Variants in CFAP44 observed in about 807,000 individuals in gnomAD.
CFAP44 encodes the protein cilia and flagella associated protein 44.
Under a neutral mutation model 216.2 loss-of-function variants are expected in CFAP44, and 134 were observed. The ratio of observed to expected loss-of-function variants is 0.62; its 90% CI spans 0.54 to 0.72. CFAP44 has a LOEUF of 0.72. Ranked by LOEUF, CFAP44 falls within the 30% of genes least tolerant of loss-of-function variation. The pLI, the probability that CFAP44 is intolerant of heterozygous loss-of-function variation, is 0.00. For missense variants in CFAP44, 2,035 were observed against 2,182.1 expected (o/e 0.93, Z 1.34); for synonymous variants, 700 against 727.6 (o/e 0.96, Z 0.61).
intron 17 of CFAP44, among the ~76,000 whole-genome samples, chr3:113,376,471 C>G (rs941175125): frequency 6.6e-6 from 1 of 152,186 alleles, no homozygotes; most frequent in African/African-American, 2.4e-5. Context: ...AGGCCGCACT[C>G]TGGAGTATTT....
At chr3:113,390,521 AG>A (rs1257069541) in intron 15 of CFAP44, among the ~76,000 whole-genome samples, 3 of 152,152 alleles carry the variant, frequency 2.0e-5, no homozygotes, top group African/African-American at 7.2e-5. Flanking sequence ...AAAGAAATAA[AG>A]GGCATCCAAA....
At chr3:113,426,870 AAC>A in intron 3 of CFAP44, 1 of 294,080 alleles carries the variant, frequency 3.4e-6, no homozygotes, top group African/African-American at 2.2e-5. Flanking sequence ...GTCATGGCGC[AAC>A]AGTCTCCAAG....
chr3:113,346,023 G>C (rs911328773), intron 22 of CFAP44, among the ~76,000 whole-genome samples: 8 of 152,262 alleles, frequency 5.3e-5, no homozygotes, highest in African/African-American at 1.9e-4. Flanking sequence ...TTAACATTGA[G>C]AAGTGAACCC....
At chr3:113,353,564 T>A (rs886676200) in intron 22 of CFAP44, among the ~76,000 whole-genome samples, 1 of 152,062 alleles carries the variant, frequency 6.6e-6, no homozygotes, top group African/African-American at 2.4e-5. Context: ...GAGTTCTTCC[T>A]GAGAGGAACT....
At position 113,288,560 on chromosome 3, in the gene CFAP44, C is replaced by G. The variant is rs530193143; in HGVS notation, c.*2997G>C. ...CAGTCATTGCTTTGCTATCCAGAGGCCCCCCAATCTGAGCTGTAACTCACC... is the reference window on the plus strand; with the variant it reads ...CAGTCATTGCTTTGCTATCCAGAGGGCCCCCAATCTGAGCTGTAACTCACC... On this transcript the variant is annotated 3_prime_UTR_variant, in exon 35 of 35. Coordinates refer to ENST00000393845, the MANE Select transcript of CFAP44 (RefSeq NM_001164496.2). 6.6e-6 allele frequency: 1 copy of G among 152,182 alleles called. No homozygotes were observed. The highest frequency in any genetic ancestry group is 1.9e-4 in the East Asian group (1 of 5,184). The allele number at this position is 152,182 out of a possible 1,614,324, so 9.4% of individuals were successfully genotyped here.
intron 28 of CFAP44, among the ~76,000 whole-genome samples, chr3:113,325,226 C>G (rs919447905): frequency 6.7e-6 from 1 of 148,182 alleles, no homozygotes; most frequent in Admixed American, 6.8e-5. Flanking sequence ...GGTGTGAACC[C>G]GAGGGCGGAG....
intron 22 of CFAP44, among the ~76,000 whole-genome samples, chr3:113,348,335 G>A (rs1950409287): frequency 6.6e-6 from 1 of 152,118 alleles, no homozygotes; most frequent in Non-Finnish European, 1.5e-5. Context: ...TGAAAAAGAG[G>A]TGGCTCATTT....
At chr3:113,363,909 C>T (rs1950565305) in intron 19 of CFAP44, among the ~76,000 whole-genome samples, 1 of 152,108 alleles carries the variant, frequency 6.6e-6, no homozygotes, top group Non-Finnish European at 1.5e-5. Flanking sequence ...ATACCTTTAT[C>T]ACATGAATCA....
At chr3:113,432,333 T>C (rs1464902370) in intron 2 of CFAP44, 1 of 152,224 alleles carries the variant, frequency 6.6e-6, no homozygotes, top group Non-Finnish European at 1.5e-5. Context: ...ATGCACTATT[T>C]AAAAATTATT....
At chr3:113,420,374 G>C (rs570315824) in intron 4 of CFAP44, among the ~76,000 whole-genome samples, 195 bp from the exon 5 acceptor site, 15 of 152,166 alleles carry the variant, frequency 9.9e-5, no homozygotes, top group African/African-American at 3.6e-4. Context: ...AGAAAAAAAA[G>C]GCCTGGGCAG....
Position 113,291,474 on chromosome 3 carries a change from T to C in CFAP44, c.*83A>G. On this transcript the variant is annotated 3_prime_UTR_variant, in exon 35 of 35. Coordinates refer to ENST00000393845, the MANE Select transcript of CFAP44 (RefSeq NM_001164496.2). ...TTCAGGCGAGTTCAGTTTAAAGTAA[T>C]AAGATTGTTGGAGGTGATGAGGAGA... is the stretch of plus-strand genomic sequence containing the variant. The C allele has an allele frequency of 7.0e-7, 1 of 1,434,356 alleles. No individual in the cohort carries two copies. Among genetic ancestry groups the C allele is most frequent in the Non-Finnish European group, 9.3e-7 (1 of 1,074,214 alleles). 88.9% of individuals were successfully genotyped at this position (1,434,356 alleles called of 1,614,324 possible). A position where few individuals can be genotyped will look rare whatever the true frequency, so the allele number is the denominator to read the frequency against.
intron 34 of CFAP44, among the ~76,000 whole-genome samples, 172 bp from the exon 35 acceptor site, chr3:113,291,920 G>C (rs1478978248): frequency 1.3e-5 from 2 of 152,164 alleles, no homozygotes; most frequent in Non-Finnish European, 1.5e-5. Context: ...CATTAGAAAT[G>C]TGTGCCTTTG....
chr3:113,436,247 TA>T (rs1470791115), intron 1 of CFAP44, among the ~76,000 whole-genome samples: 1 of 150,640 alleles, frequency 6.6e-6, no homozygotes, highest in African/African-American at 2.4e-5. Flanking sequence ...TTTTTTTTTT[TA>T]AATAAAGAAT....
intron 5 of CFAP44, among the ~76,000 whole-genome samples, chr3:113,419,026 C>CTA: frequency 6.6e-6 from 1 of 152,268 alleles, no homozygotes; most frequent in South Asian, 2.1e-4. Context: ...CTTGACCACA[C>CTA]TACACCTCTG....
chr3:113,337,452 T>A (rs995507139), intron 24 of CFAP44, among the ~76,000 whole-genome samples: 2 of 152,104 alleles, frequency 1.3e-5, no homozygotes, highest in Non-Finnish European at 2.9e-5. Context: ...ATAGACAAGA[T>A]TTTTCTGAAA....
In CFAP44 at chr3:113,308,443, G is replaced by A. The variant is rs190087556; in HGVS notation, c.4517-175C>T. Among the ~76,000 whole-genome samples the A allele has an allele frequency of 3.2e-3, 484 of 152,278 alleles. 3 individuals are homozygous for A. The highest frequency in any genetic ancestry group is 4.5e-3 in the Non-Finnish European group (307 of 68,014). ...AACCCAAATGCCTGCAGAGGGTTGTGCAGTTACTATCAATGCAAGTCAGAG... is the reference window on the plus strand; with the variant it reads ...AACCCAAATGCCTGCAGAGGGTTGTACAGTTACTATCAATGCAAGTCAGAG... On this transcript the variant is annotated intron_variant, in intron 28 of 34. Coordinates refer to ENST00000393845, the MANE Select transcript of CFAP44 (RefSeq NM_001164496.2).
intron 22 of CFAP44, among the ~76,000 whole-genome samples, chr3:113,351,385 T>C (rs1950443510): frequency 6.6e-6 from 1 of 152,136 alleles, no homozygotes; most frequent in South Asian, 2.1e-4. Flanking sequence ...AATTATAGGG[T>C]TAGGAATGGC....
Position 113,363,535 on chromosome 3 carries a change from A to G in CFAP44, c.2716-3T>C. 1 of 1,606,622 alleles carries G rather than the reference A, an allele frequency of 6.2e-7. No homozygotes were observed. Among genetic ancestry groups the G allele is most frequent in the Non-Finnish European group, 8.5e-7 (1 of 1,176,460 alleles). ...ATTGGCTCTGTTTCAATTCCAAACTATAGGAAGGGAAGTAAAAGGTTAGCC... is the reference window on the plus strand; with the variant it reads ...ATTGGCTCTGTTTCAATTCCAAACTGTAGGAAGGGAAGTAAAAGGTTAGCC... On this transcript the variant is annotated splice_polypyrimidine_tract_variant and splice_region_variant and intron_variant, in intron 19 of 34. Transcript: ENST00000393845.
At position 113,291,618 on chromosome 3, in the gene CFAP44, CT is replaced by C; in HGVS notation, c.5503del (p.Ser1835ValfsTer53). 1 of 1,537,208 alleles carries C rather than the reference CT, an allele frequency of 6.5e-7. No individual in the cohort carries two copies. Among genetic ancestry groups the C allele is most frequent in the Non-Finnish European group, 8.7e-7 (1 of 1,146,910 alleles). ...EEIALLRRKGSLILPPIQSPR... is the reference protein window; with the variant it reads ...EEIALLRRKGXLILPPIQSPR... Reference sequence around the variant, plus strand: ...AGACTGAATGGGTGGGAGGATAAGACTGCCTTTCCTACGCAAAAGAGCAATC... The same window carrying C: ...AGACTGAATGGGTGGGAGGATAAGACGCCTTTCCTACGCAAAAGAGCAATC... On this transcript the variant is annotated frameshift_variant, in exon 35 of 35. Coordinates refer to ENST00000393845, the MANE Select transcript of CFAP44 (RefSeq NM_001164496.2). LOFTEE classifies it low-confidence loss of function (END_TRUNC).
Sources: gnomAD v4.1 joint callset for allele counts (sites outside exome capture counted in the v4.1 genomes callset) on GRCh38, gnomAD v4.1.1 for gene constraint, MANE v1.5 for transcripts, NCBI Gene and HGNC (gene_info 2026-07-23, HGNC 2026-07-21) for gene names.